Variants in PCDH7 observed in about 807,000 individuals in gnomAD.
The protein encoded by PCDH7 is protocadherin 7, also known as protocadherin-7.
Under a neutral mutation model 58.9 loss-of-function variants are expected in PCDH7, and 17 were observed. The ratio of observed to expected loss-of-function variants is 0.29; its 90% CI spans 0.20 to 0.43. PCDH7 has a LOEUF of 0.43. PCDH7 is among the 20% of genes least tolerant of loss of function. The pLI, the probability that PCDH7 is intolerant of heterozygous loss-of-function variation, is 1.00. For synonymous variants in PCDH7, 664 were observed against 616.4 expected (o/e 1.08, Z -1.14); for missense variants, 1,274 against 1,441.0 (o/e 0.88, Z 1.88).
chr4:31,016,007 G>A (rs1753574789), intron 3 of PCDH7, among the ~76,000 whole-genome samples: 1 of 152,114 alleles, frequency 6.6e-6, no homozygotes, highest in African/African-American at 2.4e-5. Flanking sequence ...CAGAAAAGAT[G>A]GGCCTGGAAT....
chr4:30,832,809 A>T (rs1729971311), intron 1 of PCDH7, among the ~76,000 whole-genome samples: 1 of 152,188 alleles, frequency 6.6e-6, no homozygotes, highest in Admixed American at 6.6e-5. Context: ...CTGTCTAGTG[A>T]GTAAGATGGA....
intron 3 of PCDH7, among the ~76,000 whole-genome samples, chr4:31,139,231 C>A (rs994023431): frequency 6.6e-6 from 1 of 151,988 alleles, no homozygotes; most frequent in African/African-American, 2.4e-5. Flanking sequence ...GAAACAACAA[C>A]AAAAAATTCT....
intron 3 of PCDH7, among the ~76,000 whole-genome samples, chr4:31,103,328 C>T (rs116550120): frequency 6.6e-6 from 1 of 151,738 alleles, no homozygotes; most frequent in African/African-American, 2.4e-5. Context: ...TTCCCAATTT[C>T]TTTTCTTTTC....
At chr4:30,840,345 C>A (rs900019153) in intron 1 of PCDH7, among the ~76,000 whole-genome samples, 1 of 152,062 alleles carries the variant, frequency 6.6e-6, no homozygotes, top group Non-Finnish European at 1.5e-5. Flanking sequence ...AATGCCTTAG[C>A]TCAGTGCCAG....
At chr4:30,736,963 A>G (rs1191349712), downstream of PCDH7, among the ~76,000 whole-genome samples, 1 of 152,170 alleles carries the variant, frequency 6.6e-6, no homozygotes, top group Non-Finnish European at 1.5e-5. Context: ...TGATTGCAAA[A>G]TGTAAGCTAC....
intron 3 of PCDH7, among the ~76,000 whole-genome samples, chr4:30,961,485 G>A (rs1748430683): frequency 6.6e-6 from 1 of 151,920 alleles, no homozygotes; most frequent in Non-Finnish European, 1.5e-5. Context: ...CTGGGAGGTG[G>A]AGGTTGCAGT....
intron 1 of PCDH7, among the ~76,000 whole-genome samples, chr4:30,864,491 A>G (rs1199259411): frequency 2.0e-5 from 3 of 151,172 alleles, no homozygotes; most frequent in African/African-American, 4.9e-5. Flanking sequence ...CAAGGGAGCC[A>G]GCTTAATCTA....
At chr4:30,842,299 A>G (rs909239585) in intron 1 of PCDH7, among the ~76,000 whole-genome samples, 10 of 152,208 alleles carry the variant, frequency 6.6e-5, no homozygotes, top group Admixed American at 5.9e-4. Flanking sequence ...GCATAGAAAT[A>G]CATAACTGGA....
intron 1 of PCDH7, among the ~76,000 whole-genome samples, chr4:30,796,876 TTC>T (rs1170371266): frequency 6.6e-5 from 10 of 152,216 alleles, no homozygotes; most frequent in Non-Finnish European, 1.2e-4. Context: ...TCTTCTGCAA[TTC>T]TCTTTCTAAT....
intron 3 of PCDH7, among the ~76,000 whole-genome samples, chr4:31,050,057 G>T (rs547863955): frequency 7.2e-4 from 110 of 152,186 alleles, no homozygotes; most frequent in African/African-American, 2.6e-3. Flanking sequence ...ATTACAGAGA[G>T]ATATGGGCAT....
At chr4:31,083,382 CTATAAT>C (rs1711876789) in intron 3 of PCDH7, among the ~76,000 whole-genome samples, 1 of 151,988 alleles carries the variant, frequency 6.6e-6, no homozygotes, top group African/African-American at 2.4e-5. Flanking sequence ...TAGGTATGAA[CTATAAT>C]TATTACCAAT....
intron 3 of PCDH7, among the ~76,000 whole-genome samples, chr4:30,966,117 A>C (rs1477368341): frequency 6.6e-6 from 1 of 152,086 alleles, no homozygotes; most frequent in Non-Finnish European, 1.5e-5. Context: ...AAATCAAAGG[A>C]TTTTCATTGC....
chr4:30,917,862 C>A (rs557828185), intron 1 of PCDH7, among the ~76,000 whole-genome samples: 1 of 152,206 alleles, frequency 6.6e-6, no homozygotes, highest in Non-Finnish European at 1.5e-5. Flanking sequence ...GCACAGATTC[C>A]AAAATTTTTC....
In PCDH7 at chr4:31,019,805, C is replaced by G. The variant is rs554809913; in HGVS notation, c.*7+69590C>G. 4.6e-5 allele frequency among the ~76,000 whole-genome samples: 7 copies of G among 151,994 alleles called. No individual in the cohort carries two copies. In the South Asian group the frequency reaches 1.5e-3, roughly 32 times the overall value. ...GTACAGACACGCACATGCACACACACCCACAGGTACGCATGTAATAACATA... is the reference window on the plus strand; with the variant it reads ...GTACAGACACGCACATGCACACACAGCCACAGGTACGCATGTAATAACATA... On this transcript the variant is annotated intron_variant, in intron 3 of 3. Coordinates refer to the PCDH7 transcript ENST00000509759.
chr4:31,040,913 A>G (rs1202420895), intron 3 of PCDH7, among the ~76,000 whole-genome samples: 5 of 138,126 alleles, frequency 3.6e-5, no homozygotes, highest in Admixed American at 7.0e-5. Flanking sequence ...GTGTGCTGAG[A>G]AAAAAAAAAA....
Position 30,778,132 on chromosome 4 carries a change from G to C in PCDH7, c.70+53536G>C, listed in dbSNP as rs550642845. Among the ~76,000 whole-genome samples the C allele has an allele frequency of 3.9e-4, 59 of 151,960 alleles. 1 individual carries two copies. The highest frequency in any genetic ancestry group is 1.3e-3 in the African/African-American group (54 of 41,446). On this transcript the variant is annotated intron_variant, in intron 1 of 3. Transcript: ENST00000509759. ...TTGCCTTTCTTCCCTGTAGTGTTCT[G>C]TTGTCTTATATACTAAGTATCATTA...
In PCDH7 at chr4:31,051,167, A is replaced by G. The variant is rs1374923167; in HGVS notation, c.*8-91306A>G. 2.0e-5 allele frequency among the ~76,000 whole-genome samples: 3 copies of G among 152,106 alleles called. No homozygotes were observed. The East Asian group carries it at 5.8e-4, about 29-fold the overall frequency. On this transcript the variant is annotated intron_variant, in intron 3 of 3. Coordinates refer to the PCDH7 transcript ENST00000509759. ...TAAGGTCTTCCTTGAATCCCCAAGCAAACATGCCTTGTCTATCATCACAGC... is the reference window on the plus strand; with the variant it reads ...TAAGGTCTTCCTTGAATCCCCAAGCGAACATGCCTTGTCTATCATCACAGC...
At chr4:30,773,249 G>A (rs1721641931) in intron 1 of PCDH7, among the ~76,000 whole-genome samples, 1 of 152,138 alleles carries the variant, frequency 6.6e-6, no homozygotes, top group Non-Finnish European at 1.5e-5. Context: ...AGTTGAGTGT[G>A]TTTTTAAGTG....
chr4:30,934,818 T>G (rs986644352), intron 2 of PCDH7, among the ~76,000 whole-genome samples: 1 of 152,130 alleles, frequency 6.6e-6, no homozygotes, highest in Middle Eastern at 3.2e-3. Context: ...TCATATAACA[T>G]GTACATTTGC....
Sources: allele counts gnomAD v4.1 joint callset (sites outside exome capture counted in the v4.1 genomes callset), GRCh38; gene constraint gnomAD v4.1.1; transcripts MANE v1.5; gene names NCBI Gene and HGNC (gene_info 2026-07-23, HGNC 2026-07-21).